DGKB: variants seen among roughly 807,000 people sequenced by gnomAD.
DGKB encodes the protein diacylglycerol kinase beta, also known as 90 kDa diacylglycerol kinase.
DGKB carries 67 observed loss-of-function variants against 114.3 expected under a neutral mutation model. The ratio of observed to expected loss-of-function variants is 0.59; its 90% CI spans 0.48 to 0.72. The LOEUF is 0.72. Ranked by LOEUF, DGKB falls within the 30% of genes least tolerant of loss-of-function variation. The pLI is 0.00. For missense variants in DGKB, 907 were observed against 975.2 expected, an observed-to-expected ratio of 0.93 and a Z score of 0.93; for synonymous variants, 398 against 323.1, an observed-to-expected ratio of 1.23 and a Z score of -2.49.
At chr7:14,918,832 A>AG (rs1031342858) in intron 1 of DGKB, among the ~76,000 whole-genome samples, 1 of 151,906 alleles carries the variant, frequency 6.6e-6, no homozygotes, top group African/African-American at 2.4e-5. Context: ...TGGGAGGCCG[A>AG]GGGGGGCGGA....
chr7:14,154,551 C>G (rs1380340458), intron 25 of DGKB, among the ~76,000 whole-genome samples: 1 of 151,430 alleles, frequency 6.6e-6, no homozygotes, highest in Non-Finnish European at 1.5e-5. Flanking sequence ...AGACTGTTAC[C>G]TGGTACAAAA....
intron 20 of DGKB, among the ~76,000 whole-genome samples, chr7:14,488,595 A>G (rs1023380273): frequency 4.0e-5 from 6 of 151,478 alleles, no homozygotes; most frequent in Non-Finnish European, 7.4e-5. Flanking sequence ...TGAGGTGGGC[A>G]GATCACCTGA....
At chr7:14,176,760 A>C in intron 25 of DGKB, 79 bp downstream of exon 25, 1 of 1,556,738 alleles carries the variant, frequency 6.4e-7, no homozygotes, top group Non-Finnish European at 8.7e-7. Flanking sequence ...TAAAGAAAAA[A>C]ATCAGTTATT....
intron 13 of DGKB, among the ~76,000 whole-genome samples, chr7:14,645,552 C>T (rs1402668633): frequency 1.3e-5 from 2 of 151,924 alleles, no homozygotes; most frequent in Non-Finnish European, 2.9e-5. Flanking sequence ...ATCTGAGGCA[C>T]ATTATAGTCA....
At chr7:14,780,915 T>A (rs1464424525) in intron 2 of DGKB, among the ~76,000 whole-genome samples, 9 of 152,212 alleles carry the variant, frequency 5.9e-5, no homozygotes, top group Admixed American at 3.3e-4. Context: ...CAATAATACA[T>A]AGAAATGCAT....
chr7:14,919,077 C>CACACACACACACACACAA (rs1424702347), intron 1 of DGKB, among the ~76,000 whole-genome samples: 2 of 127,816 alleles, frequency 1.6e-5, no homozygotes, highest in Non-Finnish European at 3.3e-5. Flanking sequence ...CACACACACA[C>CACACACACACACACACAA]ACACACACAC....
At chr7:14,630,305 A>G in intron 13 of DGKB, 37 bp from the exon 14 acceptor site, 2 of 1,520,964 alleles carry the variant, frequency 1.3e-6, no homozygotes, top group East Asian at 2.5e-5. Flanking sequence ...AAGCTGAAAA[A>G]GAGTCAAACT....
intron 13 of DGKB, among the ~76,000 whole-genome samples, chr7:14,654,921 AACT>A (rs1815450231): frequency 6.6e-6 from 1 of 151,910 alleles, no homozygotes. Context: ...AAAACTATAA[AACT>A]ACTAGAAAAA....
At chr7:14,397,765 A>C (rs1356855738) in intron 21 of DGKB, among the ~76,000 whole-genome samples, 3 of 152,122 alleles carry the variant, frequency 2.0e-5, no homozygotes, top group East Asian at 3.9e-4. Context: ...ATGCAAAAAA[A>C]AGTGGATTGT....
chr7:14,566,516 A>G (rs1403821297), intron 20 of DGKB, among the ~76,000 whole-genome samples: 1 of 152,212 alleles, frequency 6.6e-6, no homozygotes, highest in East Asian at 1.9e-4. Flanking sequence ...TTATTTTTCA[A>G]TTAATATCCA....
intron 20 of DGKB, among the ~76,000 whole-genome samples, chr7:14,559,373 AAGGGGGCACAGCGT>A (rs1166659140): frequency 6.6e-6 from 1 of 152,082 alleles, no homozygotes; most frequent in Non-Finnish European, 1.5e-5. Flanking sequence ...ATTTTGGAGG[AAGGGGGCACAGCGT>A]AGAGGGTAAT....
intron 4 of DGKB, among the ~76,000 whole-genome samples, chr7:14,748,105 G>C (rs147574616): frequency 6.6e-6 from 1 of 152,274 alleles, no homozygotes; most frequent in African/African-American, 2.4e-5. Context: ...TCTTTTGGTA[G>C]TTTTGGGTTG....
intron 1 of DGKB, among the ~76,000 whole-genome samples, chr7:14,913,577 A>G (rs1237161212): frequency 6.6e-6 from 1 of 151,670 alleles, no homozygotes; most frequent in Non-Finnish European, 1.5e-5. Context: ...AACAATTCTA[A>G]TATTTCAGAG....
intron 20 of DGKB, among the ~76,000 whole-genome samples, chr7:14,487,665 T>C (rs1584326101): frequency 8.7e-6 from 1 of 114,810 alleles, no homozygotes; most frequent in African/African-American, 2.6e-5. Context: ...TGCAGTGCAG[T>C]GCAATAGCTC....
At chr7:14,796,217 G>A (rs949640852) in intron 2 of DGKB, among the ~76,000 whole-genome samples, 16 of 152,032 alleles carry the variant, frequency 1.1e-4, no homozygotes, top group Admixed American at 2.6e-4. Context: ...TGACAACAAG[G>A]CCCACAGTAG....
intron 15 of DGKB, 49 bp from the exon 16 acceptor site, chr7:14,613,462 T>C (rs1031417864): frequency 7.7e-6 from 7 of 914,718 alleles, no homozygotes; most frequent in African/African-American, 1.7e-5. Flanking sequence ...CCATTATATA[T>C]GAAGAAGACT....
intron 2 of DGKB, among the ~76,000 whole-genome samples, chr7:14,779,711 C>T (rs912256060): frequency 6.6e-6 from 1 of 152,022 alleles, no homozygotes; most frequent in Non-Finnish European, 1.5e-5. Context: ...TTATTTCCTG[C>T]TATAAAAGGT....
chr7:14,417,803 G>A (rs1825939098), intron 21 of DGKB, among the ~76,000 whole-genome samples: 1 of 151,748 alleles, frequency 6.6e-6, no homozygotes, highest in African/African-American at 2.4e-5. Context: ...TATTTTGGAT[G>A]AGAAGGATAG....
intron 17 of DGKB, among the ~76,000 whole-genome samples, chr7:14,604,756 G>GT (rs1804174693): frequency 6.6e-6 from 1 of 152,126 alleles, no homozygotes; most frequent in South Asian, 2.1e-4. Flanking sequence ...GGATTCACAA[G>GT]TGAGCAGATC....
Sources: allele counts gnomAD v4.1 joint callset (sites outside exome capture counted in the v4.1 genomes callset), GRCh38; gene constraint gnomAD v4.1.1; transcripts MANE v1.5; gene names NCBI Gene and HGNC (gene_info 2026-07-23, HGNC 2026-07-21).